The following VPS13A variants were observed in gnomAD, a reference collection of about 807,000 sequenced individuals.
VPS13A encodes the protein intermembrane lipid transfer protein VPS13A.
VPS13A carries 264 observed loss-of-function variants against 390.9 expected under a neutral mutation model. That is an observed-to-expected ratio of 0.68 (90% CI 0.61 to 0.75). The LOEUF is 0.75. Among genes scored for constraint, VPS13A ranks in the 30% least tolerant of loss-of-function variants. The pLI is 0.00. For missense variants in VPS13A, 3,409 were observed against 3,733.9 expected (o/e 0.91, Z 2.27); for synonymous variants, 1,231 against 1,227.1 (o/e 1.00, Z -0.07).
In VPS13A at chr9:77,278,869, G is replaced by A. The variant is rs189931513; in HGVS notation, c.2825-1290G>A. On this transcript the variant is annotated intron_variant, in intron 26 of 71. Coordinates refer to ENST00000360280, the MANE Select transcript of VPS13A (RefSeq NM_033305.3). ...GAGCAGAAGCAGTAATATTAAAATG[G>A]GAGAGTTCCTTTATTCCCCTCGCAG... 4.6e-3 allele frequency among the ~76,000 whole-genome samples: 695 copies of A among 152,252 alleles called. 5 individuals are homozygous for A. The highest frequency in any genetic ancestry group is 0.02 in the Middle Eastern group (6 of 294).
chr9:77,294,835 T>C (rs1827884370), intron 32 of VPS13A, among the ~76,000 whole-genome samples: 1 of 152,130 alleles, frequency 6.6e-6, no homozygotes, highest in Non-Finnish European at 1.5e-5. Flanking sequence ...CCCAAGTAGA[T>C]TAAATTAGTA....
At chr9:77,328,697 G>C (rs1204303325) in intron 45 of VPS13A, among the ~76,000 whole-genome samples, 1 of 152,116 alleles carries the variant, frequency 6.6e-6, no homozygotes, top group Non-Finnish European at 1.5e-5. Context: ...GTGAACAAAC[G>C]TCTGCTTCCA....
chr9:77,231,703 G>C (rs1428773983), intron 17 of VPS13A, among the ~76,000 whole-genome samples: 1 of 151,838 alleles, frequency 6.6e-6, no homozygotes, highest in Non-Finnish European at 1.5e-5. Context: ...TCTTTATTTT[G>C]TGATTTCACT....
In VPS13A at chr9:77,230,178, TTAGA is replaced by T. The variant is rs527389960; in HGVS notation, c.1595+1917_1595+1920del. Among the ~76,000 whole-genome samples the T allele has an allele frequency of 2.2e-3, 342 of 152,260 alleles. 1 individual carries two copies. The highest frequency in any genetic ancestry group is 7.6e-3 in the African/African-American group (317 of 41,566). ...ATATATTCTTGATACAAATCTCTTA[TTAGA>T]TAAACAATTTTCAGTTATTTTCTCT... On this transcript the variant is annotated intron_variant, in intron 17 of 71. Transcript: ENST00000360280.
intron 45 of VPS13A, among the ~76,000 whole-genome samples, chr9:77,326,103 T>G (rs1830006348): frequency 6.6e-6 from 1 of 152,172 alleles, no homozygotes; most frequent in Non-Finnish European, 1.5e-5. Flanking sequence ...TTGCATTGTT[T>G]CTGATCAGAA....
At chr9:77,257,299 G>A (rs1825502762) in intron 22 of VPS13A, among the ~76,000 whole-genome samples, 1 of 151,962 alleles carries the variant, frequency 6.6e-6, no homozygotes, top group Admixed American at 6.6e-5. Context: ...CAGTGTTGTG[G>A]TTGTAGCTCA....
In VPS13A at chr9:77,252,206, G is replaced by A. The variant is rs201914442; in HGVS notation, c.2171-29G>A. The A allele has an allele frequency of 1.2e-4, 178 of 1,529,760 alleles. 1 individual carries two copies. The African/African-American group carries it at 1.9e-3, about 16-fold the overall frequency. The allele number at this position is 1,529,760 out of a possible 1,614,324, so 94.8% of individuals were successfully genotyped here. A position where few individuals can be genotyped will look rare whatever the true frequency, so the allele number is the denominator to read the frequency against. On this transcript the variant is annotated intron_variant, in intron 21 of 71. Transcript: ENST00000360280. The stretch of plus-strand genomic sequence containing the variant: ...TTTAGGTTTTGTGTGTTATAGTTAC[G>A]TTAAATATGAACTATTTTCTGTACT...
intron 69 of VPS13A, among the ~76,000 whole-genome samples, chr9:77,404,625 A>G (rs1341686795): frequency 6.6e-6 from 1 of 152,250 alleles, no homozygotes; most frequent in African/African-American, 2.4e-5. Flanking sequence ...ACATTTTAAA[A>G]GTTATCTTTT....
chr9:77,177,901 T>A, intron 1 of VPS13A, 97 bp downstream of exon 1: 2 of 1,164,122 alleles, frequency 1.7e-6, no homozygotes, highest in Non-Finnish European at 2.5e-6. Flanking sequence ...TCGAGCACCT[T>A]GCTCGCCGGG....
intron 69 of VPS13A, among the ~76,000 whole-genome samples, chr9:77,404,380 C>T (rs1228994983): frequency 6.6e-6 from 1 of 152,164 alleles, no homozygotes; most frequent in Non-Finnish European, 1.5e-5. Context: ...AACGTATGGA[C>T]AGCTGTCTTA....
intron 23 of VPS13A, among the ~76,000 whole-genome samples, chr9:77,270,121 A>G (rs901176047): frequency 6.6e-6 from 1 of 152,194 alleles, no homozygotes; most frequent in Non-Finnish European, 1.5e-5. Context: ...TTTGGTACCA[A>G]GCAGTGAGTT....
chr9:77,400,686 G>T (rs1305554222), intron 68 of VPS13A, among the ~76,000 whole-genome samples: 1 of 151,814 alleles, frequency 6.6e-6, no homozygotes, highest in East Asian at 1.9e-4. Context: ...AAATTAGCCG[G>T]GCGTGGTGAT....
chr9:77,415,158 C>T (rs1230302992), intron 71 of VPS13A, among the ~76,000 whole-genome samples: 2 of 152,210 alleles, frequency 1.3e-5, no homozygotes, highest in Admixed American at 6.5e-5. Flanking sequence ...TTTCATGTCA[C>T]TGAAGGACAG....
intron 1 of VPS13A, among the ~76,000 whole-genome samples, chr9:77,186,154 CATGG>C (rs1325273580): frequency 6.6e-6 from 1 of 152,148 alleles, no homozygotes; most frequent in Non-Finnish European, 1.5e-5. Context: ...TATACTACTT[CATGG>C]AAAATGGAGG....
rs1196386533 is a variant in VPS13A at position 77,212,979 on chromosome 9, A to G, written c.566A>G (p.Gln189Arg). ...LQNLSMQTTDQYWVPCLHDET... is the reference protein window; with the variant it reads ...LQNLSMQTTDRYWVPCLHDET... ...TTTTTTCCTTTTCAGACAACTGATC[A>G]ATACTGGGTTCCATGTTTACATGAT... is the stretch of plus-strand genomic sequence containing the variant. Residue 189 changes from glutamine to arginine, a missense_variant, in exon 8 of 72, where the codon CAA becomes CGA. Gln to Arg is a conservative substitution (Grantham distance 43). Coordinates refer to ENST00000360280, the MANE Select transcript of VPS13A (RefSeq NM_033305.3). 5 of 1,613,982 alleles carry G rather than the reference A, an allele frequency of 3.1e-6. No homozygotes were observed.
intron 10 of VPS13A, among the ~76,000 whole-genome samples, chr9:77,217,527 T>G (rs548725852): frequency 3.2e-4 from 48 of 152,316 alleles, no homozygotes; most frequent in African/African-American, 1.1e-3. Context: ...ATATACACAT[T>G]ATTTAGCTCC....
Position 77,369,719 on chromosome 9 carries a change from A to G in VPS13A, c.8667+307A>G, listed in dbSNP as rs61031721. Among the ~76,000 whole-genome samples, 2,570 of 152,342 alleles carry G rather than the reference A, an allele frequency of 0.017. 54 individuals carry two copies. Among genetic ancestry groups the G allele is most frequent in the African/African-American group, 0.046 (1,907 of 41,590 alleles). On this transcript the variant is annotated intron_variant, in intron 63 of 71. Transcript: ENST00000360280. ...TGCACAGTAGTGTGGAACTATAAAA[A>G]TAATCATGCAAACTGACACCTGGCC...
In VPS13A at chr9:77,314,559, T is replaced by C. The variant is rs891935980; in HGVS notation, c.4307T>C (p.Ile1436Thr). The part of the protein sequence containing the change: ...KLAEFKLENI[I>T]STLKMYTDGS... ...GCTGAATTTAAATTGGAGAATATTA[T>C]AAGTACTTTAAAAATGTATACAGAT... The change falls in exon 37 of 72, where the codon ATA becomes ACA. Residue 1436 changes from isoleucine (I) to threonine (T), a missense_variant. Coordinates refer to ENST00000360280, the MANE Select transcript of VPS13A (RefSeq NM_033305.3). The C allele has an allele frequency of 1.2e-6, 2 of 1,611,212 alleles. No individual in the cohort carries two copies. The highest frequency in any genetic ancestry group is 8.5e-7 in the Non-Finnish European group (1 of 1,178,126).
Position 77,401,878 on chromosome 9 carries a change from CTATTT to C in VPS13A, c.9190-1353_9190-1349del, listed in dbSNP as rs563304293. On this transcript the variant is annotated intron_variant, in intron 68 of 71. Transcript: ENST00000360280. ...TACCTTTTATTACAGTATAATTGTT[CTATTT>C]TATTATTGGTTATTGTTAATCTCTT... 1.8e-3 allele frequency among the ~76,000 whole-genome samples: 276 copies of C among 152,110 alleles called. 1 individual carries two copies. The highest frequency in any genetic ancestry group is 0.014 in the Middle Eastern group (4 of 294).
Sources: gnomAD v4.1 joint callset for allele counts (sites outside exome capture counted in the v4.1 genomes callset) on GRCh38, gnomAD v4.1.1 for gene constraint, MANE v1.5 for transcripts, NCBI Gene and HGNC (gene_info 2026-07-23, HGNC 2026-07-21) for gene names.